MYO1F: variants seen among roughly 807,000 people sequenced by gnomAD.
MYO1F encodes the protein unconventional myosin-If.
In MYO1F, 60 loss-of-function variants were observed where a neutral mutation model predicts 146.6. The ratio of observed to expected loss-of-function variants is 0.41; its 90% confidence interval spans 0.33 to 0.51. The LOEUF is 0.51. MYO1F is among the 20% of genes least tolerant of loss of function. MYO1F has a pLI of 0.25. For synonymous variants in MYO1F, 602 were observed against 602.1 expected (o/e 1.00, Z 0.00); for missense variants, 1,274 against 1,534.3 (o/e 0.83, Z 2.83).
At position 8,564,858 on chromosome 19, in the gene MYO1F, C is replaced by T. The variant is rs375265920; in HGVS notation, c.4-9062G>A. ...TATGATTTCGGCTCACTGCAACCTCCGCCTCCCGGGTTCAAGTGATTCTCC... is the reference window on the plus strand; with the variant it reads ...TATGATTTCGGCTCACTGCAACCTCTGCCTCCCGGGTTCAAGTGATTCTCC... On this transcript the variant is annotated intron_variant, in intron 1 of 27. Coordinates refer to ENST00000644032, the MANE Select transcript of MYO1F (RefSeq NM_012335.4). 3.1e-4 allele frequency among the ~76,000 whole-genome samples: 47 copies of T among 151,792 alleles called. No individual in the cohort carries two copies. The South Asian group carries it at 3.1e-3, about 10-fold the overall frequency.
intron 23 of MYO1F, 54 bp from the exon 24 acceptor site, chr19:8,526,655 C>T: frequency 6.4e-7 from 1 of 1,558,660 alleles, no homozygotes. Context: ...CCGCCCCACC[C>T]AACTCTCGCT....
chr19:8,552,004 C>T (rs772319398), intron 7 of MYO1F, 29 bp downstream of exon 7: 9 of 1,613,830 alleles, frequency 5.6e-6, no homozygotes, highest in Non-Finnish European at 7.6e-6. Flanking sequence ...CCAGGTGGTG[C>T]TCCCTCTCCC....
intron 14 of MYO1F, among the ~76,000 whole-genome samples, chr19:8,543,828 G>C (rs58587283): frequency 1.9e-4 from 4 of 20,884 alleles, no homozygotes; most frequent in South Asian, 2.5e-3. Flanking sequence ...GGTGGTGGTG[G>C]TGGTGGTGGT....
At chr19:8,541,044 TGCAATCACGGCTCACTGTA>T (rs953318020) in intron 15 of MYO1F, among the ~76,000 whole-genome samples, 16 of 150,488 alleles carry the variant, frequency 1.1e-4, no homozygotes, top group Admixed American at 4.7e-4. Context: ...AGTGCAGTGG[TGCAATCACGGCTCACTGTA>T]GCCTCCACCT....
chr19:8,561,435 C>CCTCT (rs1301479455), intron 1 of MYO1F, among the ~76,000 whole-genome samples: 4 of 112,116 alleles, frequency 3.6e-5, no homozygotes, highest in African/African-American at 1.4e-4. Flanking sequence ...TTCTCCTCTC[C>CCTCT]CTCCCTTCCT....
At chr19:8,523,506 C>A (rs557986656) in intron 25 of MYO1F, among the ~76,000 whole-genome samples, 1 of 151,870 alleles carries the variant, frequency 6.6e-6, no homozygotes, top group Non-Finnish European at 1.5e-5. Context: ...CTCCACTATG[C>A]CCAGTTGATT....
chr19:8,528,313 G>C (rs922976662), intron 21 of MYO1F, among the ~76,000 whole-genome samples: 5 of 152,090 alleles, frequency 3.3e-5, no homozygotes, highest in African/African-American at 1.2e-4. Context: ...TGGATCACAA[G>C]GTCAGAAGAT....
intron 16 of MYO1F, among the ~76,000 whole-genome samples, chr19:8,538,642 C>G (rs1972831217): frequency 6.8e-6 from 1 of 148,032 alleles, no homozygotes; most frequent in Non-Finnish European, 1.5e-5. Flanking sequence ...GGCTAAAGTG[C>G]CAGGGTGCAA....
At position 8,550,664 on chromosome 19, in the gene MYO1F, T is replaced by C; in HGVS notation, c.802A>G (p.Ser268Gly). 6.2e-7 allele frequency: 1 copy of C among 1,614,170 alleles called. No individual in the cohort carries two copies. The highest frequency in any genetic ancestry group is 8.5e-7 in the Non-Finnish European group (1 of 1,180,034). The change falls in exon 9 of 28, where the codon AGC becomes GGC. Residue 268 changes from serine to glycine, a missense_variant. Coordinates refer to ENST00000644032, the MANE Select transcript of MYO1F (RefSeq NM_012335.4). ...AGCTGCAGGACCAGCTGCTGGATGC[T>C]GGGCGGGATCCCAATAACCTGCATA... ...SAMQVIGIPP[S>G]IQQLVLQLVA... is the part of the protein sequence containing the mutation.
chr19:8,571,730 T>C (rs1555731978), intron 1 of MYO1F, among the ~76,000 whole-genome samples: 1 of 152,154 alleles, frequency 6.6e-6, no homozygotes, highest in Non-Finnish European at 1.5e-5. Flanking sequence ...CCCAAGTAGC[T>C]GGGACTACAG....
chr19:8,542,882 C>T lies in MYO1F; in HGVS notation c.1525-891G>A, dbSNP rs145390661. On this transcript the variant is annotated intron_variant, in intron 14 of 27. Coordinates refer to ENST00000644032, the MANE Select transcript of MYO1F (RefSeq NM_012335.4). ...CCTCCCAAAGTGCTGGGATTATAGG[C>T]GTGAGCCACTGCACCCGGCCCTGTT... Among the ~76,000 whole-genome samples the T allele has an allele frequency of 8.2e-3, 1,246 of 151,740 alleles. 5 individuals are homozygous for T. The highest frequency in any genetic ancestry group is 0.014 in the Middle Eastern group (4 of 292).
At position 8,530,254 on chromosome 19, in the gene MYO1F, C is replaced by G; in HGVS notation, c.2270G>C (p.Gly757Ala). The G allele has an allele frequency of 6.2e-7, 1 of 1,614,120 alleles. No homozygotes were observed. The highest frequency in any genetic ancestry group is 8.5e-7 in the Non-Finnish European group (1 of 1,180,030). ...GGCGAAGTCCACCCGCTCCCTCTTGCCCAGGAACTGACGCAGCTCGGGCCG... is the reference window on the plus strand; with the variant it reads ...GGCGAAGTCCACCCGCTCCCTCTTGGCCAGGAACTGACGCAGCTCGGGCCG... ...EERPELRQFLGKRERVDFADS... is the reference protein window; with the variant it reads ...EERPELRQFLAKRERVDFADS... Residue 757 changes from glycine (G) to alanine (A), a missense_variant, in exon 21 of 28, where the codon GGC becomes GCC. Physicochemically the swap from Gly to Ala is moderately conservative, Grantham distance 60 (BLOSUM62 0). This residue lies in a region of MYO1F where 900 missense variants were observed against 1,155.1 expected (regional missense o/e 0.78). Transcript: ENST00000644032. This position sits in a 1 kb window ranked among gnomAD's most constrained non-coding sequence, Gnocchi z 5.8.
At position 8,545,667 on chromosome 19, in the gene MYO1F, G is replaced by A. The variant is rs1303293073; in HGVS notation, c.1339C>T (p.Leu447Phe). 6.2e-7 allele frequency: 1 copy of A among 1,613,904 alleles called. No homozygotes were observed. The highest frequency in any genetic ancestry group is 8.5e-7 in the Non-Finnish European group (1 of 1,179,946). ...GCCCTCACCAGCTTGTTTTCGATGA[G>A]GTCACAGACGACCTTGTTGTTGAAG... ...QYFNNKVVCDLIENKLSPPGI... is the reference protein window; with the variant it reads ...QYFNNKVVCDFIENKLSPPGI... The change falls in exon 13 of 28, where the codon CTC becomes TTC. Residue 447 changes from leucine (L) to phenylalanine (F), a missense_variant. Around this residue, in one of 2 missense-constraint regions of MYO1F, gnomAD observed 900 missense variants for 1,155.1 expected, o/e 0.78. Coordinates refer to ENST00000644032, the MANE Select transcript of MYO1F (RefSeq NM_012335.4).
rs755664368 is a variant in MYO1F, at chr19:8,525,514, T to A, written c.2819A>T (p.Gln940Leu). Reference sequence around the variant, plus strand: ...CGCAGGGGCCGCCCGGGTAGGGGCTTGGGACGACCTCCGAGGTTTTCCCTT... The same window carrying A: ...CGCAGGGGCCGCCCGGGTAGGGGCTAGGGACGACCTCCGAGGTTTTCCCTT... ...MAKGKPRRSS[Q>L]APTRAAPAPP... The change falls in exon 25 of 28, where the codon CAA (glutamine) becomes CTA (leucine). Residue 940 changes from glutamine (Q) to leucine (L), a missense_variant. By Grantham distance (113) the Gln-to-Leu change is moderately radical. Around this residue, in one of 2 missense-constraint regions of MYO1F, gnomAD observed 374 missense variants for 379.2 expected, o/e 0.99. Transcript: ENST00000644032. 21 of 1,613,442 alleles carry A rather than the reference T, an allele frequency of 1.3e-5. No homozygotes were observed. In the South Asian group the frequency reaches 2.2e-4, roughly 17 times the overall value.
At chr19:8,555,891 C>A (rs1973832445) in intron 1 of MYO1F, 95 bp from the exon 2 acceptor site, 9 of 1,241,052 alleles carry the variant, frequency 7.3e-6, no homozygotes. Flanking sequence ...GTCCCACCTC[C>A]CCCGCCCCAC....
At chr19:8,561,526 CTCT>C (rs947604715) in intron 1 of MYO1F, among the ~76,000 whole-genome samples, 3 of 138,796 alleles carry the variant, frequency 2.2e-5, no homozygotes, top group African/African-American at 8.1e-5. Flanking sequence ...CTCTCTTTCT[CTCT>C]TCTTTCTTCC....
intron 6 of MYO1F, 78 bp from the exon 7 acceptor site, chr19:8,552,242 A>T: frequency 6.8e-7 from 1 of 1,461,742 alleles, no homozygotes; most frequent in Non-Finnish European, 9.5e-7. Context: ...GGGTCTTATG[A>T]GCCTTGCCTC....
chr19:8,548,423 C>T (rs1191833645), intron 10 of MYO1F, 106 bp from the exon 11 acceptor site: 15 of 1,010,670 alleles, frequency 1.5e-5, no homozygotes, highest in Non-Finnish European at 2.1e-5. Context: ...GGTGATGTCC[C>T]CTCATGCCAG....
At chr19:8,557,458 T>A (rs1973908824) in intron 1 of MYO1F, among the ~76,000 whole-genome samples, 1 of 152,104 alleles carries the variant, frequency 6.6e-6, no homozygotes, top group Non-Finnish European at 1.5e-5. Context: ...TGCACCACCA[T>A]GCCTGGATAA....
Sources: allele counts gnomAD v4.1 joint callset (sites outside exome capture counted in the v4.1 genomes callset), GRCh38; gene constraint gnomAD v4.1.1; regional missense constraint gnomAD v4.1.1; non-coding constraint Gnocchi (gnomAD v3.1); transcripts MANE v1.5; gene names NCBI Gene and HGNC (gene_info 2026-07-23, HGNC 2026-07-21).